NRIP1: variants seen among roughly 807,000 people sequenced by gnomAD.
NRIP1 encodes the protein nuclear receptor interacting protein 1.
NRIP1 carries 28 observed loss-of-function variants against 75.0 expected under a neutral mutation model. The ratio of observed to expected loss-of-function variants is 0.37; its 90% CI spans 0.28 to 0.51. The LOEUF (loss-of-function observed/expected upper bound fraction) is 0.51, where lower values mean the gene tolerates loss of function less well. Among genes scored for constraint, NRIP1 ranks in the 20% least tolerant of loss-of-function variants. The pLI is 0.92. For missense variants in NRIP1, 1,435 were observed against 1,343.7 expected, an observed-to-expected ratio of 1.07 and a Z score of -1.06; for synonymous variants, 526 against 487.6, an observed-to-expected ratio of 1.08 and a Z score of -1.04.
At chr21:15,038,750 GC>G (rs1180575241) in intron 2 of NRIP1, among the ~76,000 whole-genome samples, 2 of 151,460 alleles carry the variant, frequency 1.3e-5, no homozygotes, top group Admixed American at 6.6e-5. Context: ...AATATTCCCT[GC>G]CCCAGAAAAC....
chr21:14,970,594 A>C (rs1274760611), intron 3 of NRIP1, among the ~76,000 whole-genome samples: 1 of 124,192 alleles, frequency 8.1e-6, no homozygotes, highest in Non-Finnish European at 1.7e-5. Context: ...ATTAATTCTC[A>C]ACTAGTTAAG....
chr21:14,977,330 C>T (rs1568951339), intron 3 of NRIP1, among the ~76,000 whole-genome samples: 1 of 152,084 alleles, frequency 6.6e-6, no homozygotes, highest in Non-Finnish European at 1.5e-5. Context: ...CAAAGCAGGG[C>T]TTTGAAAGGA....
intron 2 of NRIP1, among the ~76,000 whole-genome samples, chr21:15,031,733 G>T (rs2088698938): frequency 7.5e-6 from 1 of 133,792 alleles, no homozygotes; most frequent in South Asian, 2.5e-4. Context: ...ATACACTCTG[G>T]AAGGCGCTCG....
Position 14,968,207 on chromosome 21 carries a change from T to C in NRIP1, c.-15A>G. 6.4e-7 allele frequency: 1 copy of C among 1,561,022 alleles called. No individual in the cohort carries two copies. The highest frequency in any genetic ancestry group is 8.7e-7 in the Non-Finnish European group (1 of 1,146,538). ...CCATGAGTCATGTTCAATAGAAGTG[T>C]TCACAAGGGCTTGGTTTCTATTCAC... On this transcript the variant is annotated 5_prime_UTR_variant, in exon 4 of 4. Transcript: ENST00000318948.
At chr21:15,049,330 T>C (rs1226488191) in intron 1 of NRIP1, among the ~76,000 whole-genome samples, 1 of 152,074 alleles carries the variant, frequency 6.6e-6, no homozygotes, top group Non-Finnish European at 1.5e-5. Flanking sequence ...CCAATAATAC[T>C]ATATTAATAA....
rs1978749195 is a variant in NRIP1 at position 15,064,945 on chromosome 21, T to G, written c.-738A>C. The G allele has an allele frequency of 6.7e-6, 1 of 149,802 alleles. No individual in the cohort carries two copies. The highest frequency in any genetic ancestry group is 2.0e-4 in the East Asian group (1 of 5,062). 9.3% of individuals were successfully genotyped at this position (149,802 alleles called of 1,614,324 possible). On this transcript the variant is annotated 5_prime_UTR_variant, in exon 1 of 4. Transcript: ENST00000318948. ...CGTGGGGCCGGGTCGTCCCTGCGCCTCGCCGCCGCCTCCTCCGCCGCCGCC... is the reference window on the plus strand; with the variant it reads ...CGTGGGGCCGGGTCGTCCCTGCGCCGCGCCGCCGCCTCCTCCGCCGCCGCC...
Position 14,971,685 on chromosome 21 carries a change from A to T in NRIP1, c.-334-3159T>A, listed in dbSNP as rs1309383419. ...TTATATCACCAAGCACAAAAAAATTAAAAAATGTGATATGAAAAATCTTCC... is the reference window on the plus strand; with the variant it reads ...TTATATCACCAAGCACAAAAAAATTTAAAAATGTGATATGAAAAATCTTCC... On this transcript the variant is annotated intron_variant, in intron 3 of 3. Transcript: ENST00000318948. 2.0e-5 allele frequency: 3 copies of T among 151,898 alleles called. No individual in the cohort carries two copies. In the Middle Eastern group the frequency reaches 0.01, roughly 517 times the overall value. The allele number at this position is 151,898 out of a possible 1,614,324, so 9.4% of individuals were successfully genotyped here. A position where few individuals can be genotyped will look rare whatever the true frequency, so the allele number is the denominator to read the frequency against.
intron 2 of NRIP1, among the ~76,000 whole-genome samples, chr21:15,029,301 C>A (rs1235812998): frequency 6.6e-6 from 1 of 152,118 alleles, no homozygotes; most frequent in Non-Finnish European, 1.5e-5. Flanking sequence ...TCACTCACCC[C>A]ACTCCAGCCA....
In NRIP1 at chr21:14,964,178, T is replaced by C. The variant is rs577876968; in HGVS notation, c.*538A>G. Reference sequence around the variant, plus strand: ...CAAGAGTTAAAAATAAACACCTTTTTTTTTTCTTTTTAGCAAAAGTGAAAA... The same window carrying C: ...CAAGAGTTAAAAATAAACACCTTTTCTTTTTCTTTTTAGCAAAAGTGAAAA... On this transcript the variant is annotated 3_prime_UTR_variant, in exon 4 of 4. Transcript: ENST00000318948. 5.9e-5 allele frequency: 9 copies of C among 152,634 alleles called. No individual in the cohort carries two copies. In the East Asian group the frequency reaches 1.7e-3, roughly 30 times the overall value. The allele number at this position is 152,634 out of a possible 1,614,324, so 9.5% of individuals were successfully genotyped here.
At chr21:15,056,291 TAAA>T (rs113146551) in intron 1 of NRIP1, among the ~76,000 whole-genome samples, 2 of 123,262 alleles carry the variant, frequency 1.6e-5, no homozygotes, top group African/African-American at 3.0e-5. Context: ...AATTCAAAGT[TAAA>T]AAAAAAAAAA....
At chr21:15,008,851 T>C (rs1308253727) in intron 3 of NRIP1, among the ~76,000 whole-genome samples, 1 of 152,184 alleles carries the variant, frequency 6.6e-6, no homozygotes, top group Non-Finnish European at 1.5e-5. Flanking sequence ...TGGCTTTTGG[T>C]ATCATTCCTT....
chr21:15,049,615 ATT>A (rs2089160488), intron 1 of NRIP1, among the ~76,000 whole-genome samples: 1 of 152,104 alleles, frequency 6.6e-6, no homozygotes, highest in African/African-American at 2.4e-5. Flanking sequence ...ACTGTGAAGT[ATT>A]TGTTTCAGGT....
chr21:15,032,894 T>C (rs1017310607), intron 2 of NRIP1, among the ~76,000 whole-genome samples: 7 of 152,174 alleles, frequency 4.6e-5, no homozygotes, highest in East Asian at 3.8e-4. Flanking sequence ...ATTTCAAATA[T>C]GGTTCTTTTA....
intron 1 of NRIP1, among the ~76,000 whole-genome samples, chr21:15,047,048 G>A (rs557634723): frequency 1.6e-4 from 24 of 152,196 alleles, no homozygotes; most frequent in African/African-American, 5.5e-4. Context: ...CTATTAGTCC[G>A]TTCTCACACA....
chr21:15,033,283 C>G (rs1340148010), intron 2 of NRIP1, among the ~76,000 whole-genome samples: 1 of 150,970 alleles, frequency 6.6e-6, no homozygotes, highest in East Asian at 2.0e-4. Flanking sequence ...AAATGCTTAA[C>G]GTAGGCTTAA....
In NRIP1 at chr21:14,966,917, C is replaced by G; in HGVS notation, c.1276G>C (p.Asp426His). 4 of 1,614,130 alleles carry G rather than the reference C, an allele frequency of 2.5e-6. No homozygotes were observed. The highest frequency in any genetic ancestry group is 3.4e-6 in the Non-Finnish European group (4 of 1,180,002). Residue 426 changes from aspartate to histidine, a missense_variant, in exon 4 of 4, where the codon GAT becomes CAT. By Grantham distance (81) the Asp-to-His change is moderately conservative. Coordinates refer to ENST00000318948, the MANE Select transcript of NRIP1 (RefSeq NM_003489.4). ...GAACTTTCATCACCACTGCTGTCAT[C>G]TGTAAAACTAGGATTGTTATCTGAA... is the stretch of plus-strand genomic sequence containing the variant. ...EYSDNNPSFT[D>H]DSSGDESSYS...
intron 2 of NRIP1, among the ~76,000 whole-genome samples, chr21:15,041,524 G>T (rs139898369): frequency 0.012 from 1,830 of 152,218 alleles, 19 homozygotes; most frequent in Non-Finnish European, 0.017. Context: ...TATGCATTAT[G>T]ATTTCTTTTC....
In NRIP1 at chr21:14,996,182, T is replaced by C. The variant is rs188447067; in HGVS notation, c.-335+18162A>G. 3.9e-5 allele frequency among the ~76,000 whole-genome samples: 6 copies of C among 152,336 alleles called. No homozygotes were observed. The East Asian group carries it at 1.2e-3, about 29-fold the overall frequency. On this transcript the variant is annotated intron_variant, in intron 3 of 3. Coordinates refer to ENST00000318948, the MANE Select transcript of NRIP1 (RefSeq NM_003489.4). Reference sequence around the variant, plus strand: ...GTATCAATATGAAATCACTATAAAATTCTTAAGATACTTCACATTCTTTTT... The same window carrying C: ...GTATCAATATGAAATCACTATAAAACTCTTAAGATACTTCACATTCTTTTT...
intron 2 of NRIP1, among the ~76,000 whole-genome samples, chr21:15,023,527 A>G (rs201332200): frequency 6.6e-6 from 1 of 152,350 alleles, no homozygotes; most frequent in East Asian, 1.9e-4. Context: ...CTCAATATAA[A>G]TAAAATATAT....
Sources: gnomAD v4.1 joint callset for allele counts (sites outside exome capture counted in the v4.1 genomes callset) on GRCh38, gnomAD v4.1.1 for gene constraint, MANE v1.5 for transcripts, NCBI Gene and HGNC (gene_info 2026-07-23, HGNC 2026-07-21) for gene names.